CLDN10: variants seen among roughly 807,000 people sequenced by gnomAD.
CLDN10 encodes the protein claudin-10.
A neutral mutation model predicts 22.9 loss-of-function variants in CLDN10; 15 were observed. That is an observed-to-expected ratio of 0.65 (90% CI 0.44 to 1.01). CLDN10 has a LOEUF of 1.01. CLDN10 is among the 50% of genes least tolerant of loss of function. CLDN10 has a pLI of 0.00. For synonymous variants in CLDN10, 114 were observed against 111.4 expected (o/e 1.02, Z -0.15); for missense variants, 247 against 287.8 (o/e 0.86, Z 1.03).
intron 3 of CLDN10, among the ~76,000 whole-genome samples, chr13:95,575,849 T>A (rs1010849877): frequency 6.6e-6 from 1 of 152,154 alleles, no homozygotes; most frequent in African/African-American, 2.4e-5. Context: ...CGTAACTCCA[T>A]CCCAAATGAA....
chr13:95,534,472 T>C (rs1399446764), intron 1 of CLDN10, among the ~76,000 whole-genome samples: 1 of 152,190 alleles, frequency 6.6e-6, no homozygotes, highest in Admixed American at 6.5e-5. Flanking sequence ...TGTATGAATA[T>C]CTTTAGTAAA....
chr13:95,577,925 G>A lies in CLDN10; in HGVS notation c.598G>A (p.Val200Ile). The A allele has an allele frequency of 6.2e-7, 1 of 1,613,474 alleles. No homozygotes were observed. The highest frequency in any genetic ancestry group is 8.5e-7 in the Non-Finnish European group (1 of 1,179,510). The change falls in exon 5 of 5, where the codon GTC becomes ATC. Residue 200 changes from valine to isoleucine, a missense_variant. Coordinates refer to ENST00000299339, the MANE Select transcript of CLDN10 (RefSeq NM_006984.5). ...PRYTYNGATS[V>I]MSSRTKYHGG... ...ATACACATACAACGGGGCCACATCT[G>A]TCATGTCTTCTCGGACAAAGTATCA...
At chr13:95,553,148 C>T (rs2043589024) in intron 1 of CLDN10, among the ~76,000 whole-genome samples, 175 bp downstream of exon 1, 1 of 152,206 alleles carries the variant, frequency 6.6e-6, no homozygotes, top group Non-Finnish European at 1.5e-5. Context: ...TGCCCGCCCT[C>T]TCCTGATGGC....
chr13:95,514,832 A>G (rs374352535), intron 1 of CLDN10, among the ~76,000 whole-genome samples: 6 of 152,306 alleles, frequency 3.9e-5, no homozygotes, highest in Admixed American at 2.0e-4. Context: ...GTTACCAAGT[A>G]GGAGATGAAT....
At chr13:95,484,514 T>A (rs1202332855) in intron 1 of CLDN10, among the ~76,000 whole-genome samples, 1 of 151,860 alleles carries the variant, frequency 6.6e-6, no homozygotes, top group Non-Finnish European at 1.5e-5. Context: ...CAAGGTCAAG[T>A]TTTTTCAGTT....
chr13:95,463,299 TATATATATATATATATA>T (rs2042553526), intron 1 of CLDN10, among the ~76,000 whole-genome samples: 1 of 81,754 alleles, frequency 1.2e-5, no homozygotes, highest in Non-Finnish European at 2.3e-5. Flanking sequence ...TATATATATA[TATATATATATATATATA>T]TATATATATT....
intron 1 of CLDN10, among the ~76,000 whole-genome samples, chr13:95,462,062 C>A (rs1174084434): frequency 6.6e-6 from 1 of 152,202 alleles, no homozygotes; most frequent in East Asian, 1.9e-4. Context: ...TGCCATTGCA[C>A]TCCAGCCTGG....
At chr13:95,492,039 T>C (rs2042876973) in intron 1 of CLDN10, among the ~76,000 whole-genome samples, 1 of 152,120 alleles carries the variant, frequency 6.6e-6, no homozygotes, top group Admixed American at 6.5e-5. Flanking sequence ...CTCTCAGCCA[T>C]GGATACCAGC....
intron 3 of CLDN10, among the ~76,000 whole-genome samples, chr13:95,565,423 CAT>C (rs1274413518): frequency 2.6e-5 from 4 of 152,104 alleles, no homozygotes; most frequent in Non-Finnish European, 5.9e-5. Flanking sequence ...TTGTATATGA[CAT>C]TTACCGTTAA....
intron 1 of CLDN10, among the ~76,000 whole-genome samples, chr13:95,491,070 A>G (rs117916110): frequency 6.6e-6 from 1 of 152,282 alleles, no homozygotes; most frequent in Non-Finnish European, 1.5e-5. Context: ...TATAAGAATA[A>G]CTACCCCTGC....
At position 95,467,350 on chromosome 13, in the gene CLDN10, T is replaced by C. The variant is rs917551304; in HGVS notation, c.214+33303T>C. On this transcript the variant is annotated intron_variant, in intron 1 of 4. Transcript: ENST00000376873. Reference sequence around the variant, plus strand: ...GCATCCAAAAAAAATCAACAATATTTCCATAACATCATCAAGTATCCAGGA... The same window carrying C: ...GCATCCAAAAAAAATCAACAATATTCCCATAACATCATCAAGTATCCAGGA... Among the ~76,000 whole-genome samples the C allele has an allele frequency of 1.9e-4, 29 of 152,308 alleles. No individual in the cohort carries two copies. In the East Asian group the frequency reaches 3.9e-3, roughly 20 times the overall value.
At chr13:95,532,297 A>G (rs892322370) in intron 1 of CLDN10, among the ~76,000 whole-genome samples, 5 of 152,228 alleles carry the variant, frequency 3.3e-5, no homozygotes, top group Admixed American at 6.5e-5. Flanking sequence ...CAGCTCTTAC[A>G]AAAACAAAGA....
rs2043982091 is a variant in CLDN10, at chr13:95,579,282, T to A, written c.*1268T>A. Reference sequence around the variant, plus strand: ...AGAGACTTGTCATTTCTAAAGACATTTAAGTTGCTCCAGGGATTTCTGAAA... The same window carrying A: ...AGAGACTTGTCATTTCTAAAGACATATAAGTTGCTCCAGGGATTTCTGAAA... On this transcript the variant is annotated 3_prime_UTR_variant, in exon 5 of 5. Coordinates refer to ENST00000299339, the MANE Select transcript of CLDN10 (RefSeq NM_006984.5). 1 of 152,182 alleles carries A rather than the reference T, an allele frequency of 6.6e-6. No homozygotes were observed. Among genetic ancestry groups the A allele is most frequent in the Admixed American group, 6.5e-5 (1 of 15,278 alleles). The allele number at this position is 152,182 out of a possible 1,614,324, so 9.4% of individuals were successfully genotyped here.
rs570356172 is a variant in CLDN10 at position 95,569,808 on chromosome 13, G to A, written c.465-7423G>A. Among the ~76,000 whole-genome samples the A allele has an allele frequency of 2.1e-3, 323 of 151,794 alleles. 1 individual carries two copies. The highest frequency in any genetic ancestry group is 7.4e-3 in the African/African-American group (306 of 41,402). Reference sequence around the variant, plus strand: ...TTTTGAGACGGAGTCTTGCTCTGTCGCCCAGGCTGGAGTGCAGTGGTGAGA... The same window carrying A: ...TTTTGAGACGGAGTCTTGCTCTGTCACCCAGGCTGGAGTGCAGTGGTGAGA... On this transcript the variant is annotated intron_variant, in intron 3 of 4. Coordinates refer to ENST00000299339, the MANE Select transcript of CLDN10 (RefSeq NM_006984.5).
chr13:95,538,386 C>T (rs1017699511), intron 1 of CLDN10, among the ~76,000 whole-genome samples: 2 of 151,982 alleles, frequency 1.3e-5, no homozygotes, highest in Admixed American at 6.5e-5. Flanking sequence ...GATCCACCCA[C>T]CTTGGACTCC....
At chr13:95,547,572 C>A (rs1030701120) in intron 1 of CLDN10, among the ~76,000 whole-genome samples, 1 of 152,212 alleles carries the variant, frequency 6.6e-6, no homozygotes, top group African/African-American at 2.4e-5. Context: ...CTATTCTTCA[C>A]AACGCCTTTG....
chr13:95,546,688 C>G (rs1192559918), intron 1 of CLDN10, among the ~76,000 whole-genome samples: 1 of 152,100 alleles, frequency 6.6e-6, no homozygotes, highest in Non-Finnish European at 1.5e-5. Flanking sequence ...ATTGTGAGGA[C>G]TAGAGAGAGG....
chr13:95,547,252 C>T (rs2043519511), intron 1 of CLDN10, among the ~76,000 whole-genome samples: 1 of 152,004 alleles, frequency 6.6e-6, no homozygotes, highest in African/African-American at 2.4e-5. Flanking sequence ...CTCCCAACCA[C>T]TTTTGCTCCC....
chr13:95,491,241 C>G (rs964672778), intron 1 of CLDN10, among the ~76,000 whole-genome samples: 1 of 151,962 alleles, frequency 6.6e-6, no homozygotes, highest in Non-Finnish European at 1.5e-5. Context: ...GCATTTAGAC[C>G]ATTTATATTC....
Sources: gnomAD v4.1 joint callset for allele counts (sites outside exome capture counted in the v4.1 genomes callset) on GRCh38, gnomAD v4.1.1 for gene constraint, MANE v1.5 for transcripts, NCBI Gene and HGNC (gene_info 2026-07-23, HGNC 2026-07-21) for gene names.